Variants in EVI5 observed in about 807,000 individuals in gnomAD.
EVI5 encodes ecotropic viral integration site 5, also known as ecotropic viral integration site 5 protein homolog.
EVI5 carries 73 observed loss-of-function variants against 112.0 expected under a neutral mutation model. The ratio of observed to expected loss-of-function variants is 0.65; its 90% confidence interval spans 0.54 to 0.79. EVI5 has a LOEUF of 0.79. EVI5 is among the 30% of genes least tolerant of loss of function. The pLI, the probability that EVI5 is intolerant of heterozygous loss-of-function variation, is 0.00. For missense variants in EVI5, 900 were observed against 968.8 expected (o/e 0.93, Z 0.94); for synonymous variants, 305 against 319.9 (o/e 0.95, Z 0.50).
chr1:92,681,473 C>CA (rs1667574868), intron 9 of EVI5, among the ~76,000 whole-genome samples: 1 of 151,678 alleles, frequency 6.6e-6, no homozygotes, highest in Non-Finnish European at 1.5e-5. Context: ...AAAAATTCAT[C>CA]AAAAAAAAGT....
chr1:92,566,013 G>C (rs557007264), intron 18 of EVI5, among the ~76,000 whole-genome samples: 3 of 141,084 alleles, frequency 2.1e-5, no homozygotes, highest in Non-Finnish European at 4.5e-5. Flanking sequence ...ATAGGGTCAA[G>C]CATCTTTCCA....
At chr1:92,680,788 CA>C (rs1667463578) in intron 9 of EVI5, among the ~76,000 whole-genome samples, 1 of 151,932 alleles carries the variant, frequency 6.6e-6, no homozygotes, top group South Asian at 2.1e-4. Context: ...GTATACCTGC[CA>C]AAAATGCACA....
Position 92,607,731 on chromosome 1 carries a change from A to C in EVI5, c.1828-4T>G. ...GATGGTTACTATTGATCTGGTTCTA[A>C]TAATCAGAAATATAAATACTGAGAC... is the stretch of plus-strand genomic sequence containing the variant. On this transcript the variant is annotated splice_region_variant and splice_polypyrimidine_tract_variant and intron_variant, in intron 16 of 19. Coordinates refer to ENST00000684568, the MANE Select transcript of EVI5 (RefSeq NM_001350197.2). The C allele has an allele frequency of 6.3e-7, 1 of 1,576,666 alleles. No individual in the cohort carries two copies.
intron 1 of EVI5, among the ~76,000 whole-genome samples, chr1:92,766,087 G>C (rs1223831496): frequency 8.1e-6 from 1 of 123,462 alleles, no homozygotes; most frequent in South Asian, 2.9e-4. Flanking sequence ...GACAGAGCAA[G>C]ACCCTGCAAA....
chr1:92,565,968 A>AAAAAAAAAAAAAG (rs1381249684), intron 18 of EVI5, among the ~76,000 whole-genome samples: 1 of 150,078 alleles, frequency 6.7e-6, no homozygotes, highest in African/African-American at 2.5e-5. Context: ...AAAAAAAAAA[A>AAAAAAAAAAAAAG]GAAATGTTCT....
intron 2 of EVI5, among the ~76,000 whole-genome samples, chr1:92,704,964 G>A (rs1201160403): frequency 4.2e-5 from 6 of 143,602 alleles, no homozygotes; most frequent in African/African-American, 1.2e-4. Flanking sequence ...AGCAAATTAC[G>A]TTAAAAATTT....
At chr1:92,742,969 C>A (rs1376857409) in intron 1 of EVI5, among the ~76,000 whole-genome samples, 3 of 152,120 alleles carry the variant, frequency 2.0e-5, no homozygotes, top group Non-Finnish European at 2.9e-5. Context: ...TCACAATAGC[C>A]AAAAGGGATA....
At chr1:92,683,637 T>C (rs1168368720) in intron 9 of EVI5, among the ~76,000 whole-genome samples, 1 of 151,988 alleles carries the variant, frequency 6.6e-6, no homozygotes, top group Non-Finnish European at 1.5e-5. Context: ...CTCTAACCCA[T>C]CACAAGGAAG....
chr1:92,756,933 G>C, intron 1 of EVI5: 1 of 331,984 alleles, frequency 3.0e-6, no homozygotes, highest in Middle Eastern at 6.7e-4. Context: ...CATTACCCTT[G>C]TATTACTTCA....
intron 19 of EVI5, among the ~76,000 whole-genome samples, chr1:92,550,914 T>C (rs1666805109): frequency 7.0e-6 from 1 of 142,690 alleles, no homozygotes; most frequent in Admixed American, 7.1e-5. Context: ...ATAATTAATT[T>C]AATTAATAAA....
chr1:92,589,870 T>A (rs941065401), intron 18 of EVI5, among the ~76,000 whole-genome samples: 1 of 151,892 alleles, frequency 6.6e-6, no homozygotes, highest in African/African-American at 2.4e-5. Flanking sequence ...CCCCCCCGTA[T>A]GGGCAGACTG....
chr1:92,542,677 C>T (rs531987865), intron 19 of EVI5, among the ~76,000 whole-genome samples: 3 of 151,940 alleles, frequency 2.0e-5, no homozygotes, highest in Non-Finnish European at 2.9e-5. Context: ...TGTAATGGAG[C>T]CTTATGAAAT....
At position 92,732,468 on chromosome 1, in the gene EVI5, C is replaced by T. The variant is rs575236153; in HGVS notation, c.149+3930G>A. 6 of 199,692 alleles carry T rather than the reference C, an allele frequency of 3.0e-5. No homozygotes were observed. The South Asian group carries it at 4.8e-4, about 16-fold the overall frequency. The allele number at this position is 199,692 out of a possible 1,614,324, so 12.4% of individuals were successfully genotyped here. A position where few individuals can be genotyped will look rare whatever the true frequency, so the allele number is the denominator to read the frequency against. ...AGGATATATGCTGATGGAGATATAT[C>T]ACTGCCACAGGGAGAAACTATTTGC... On this transcript the variant is annotated intron_variant, in intron 2 of 19. Coordinates refer to ENST00000684568, the MANE Select transcript of EVI5 (RefSeq NM_001350197.2).
intron 15 of EVI5, 50 bp downstream of exon 15, chr1:92,625,744 A>G (rs1655527458): frequency 6.5e-7 from 1 of 1,547,798 alleles, no homozygotes; most frequent in Non-Finnish European, 8.9e-7. Flanking sequence ...CAAATTGGAT[A>G]TTTCGGTTTT....
At chr1:92,729,147 T>A (rs1473925538) in intron 2 of EVI5, among the ~76,000 whole-genome samples, 1 of 152,206 alleles carries the variant, frequency 6.6e-6, no homozygotes, top group African/African-American at 2.4e-5. Flanking sequence ...AAATCTTCTA[T>A]CTGTGAAACT....
Position 92,784,989 on chromosome 1 carries a change from G to T in EVI5, c.-235C>A. 2 of 985,512 alleles carry T rather than the reference G, an allele frequency of 2.0e-6. No individual in the cohort carries two copies. The highest frequency in any genetic ancestry group is 1.2e-6 in the Non-Finnish European group (1 of 830,070). 61.0% of individuals were successfully genotyped at this position (985,512 alleles called of 1,614,324 possible). On this transcript the variant is annotated 5_prime_UTR_variant, in exon 1 of 20. Transcript: ENST00000684568. ...CACCACGCTCACTCAGAAGCTCAGG[G>T]CCGCCTCGCGACCCTCACCTACCCC...
chr1:92,648,523 A>G (rs1371704928), intron 13 of EVI5, among the ~76,000 whole-genome samples: 1 of 152,150 alleles, frequency 6.6e-6, no homozygotes, highest in Non-Finnish European at 1.5e-5. Flanking sequence ...CCTATTAAGC[A>G]GTTTCTTATC....
intron 5 of EVI5, among the ~76,000 whole-genome samples, chr1:92,699,943 T>C (rs1444894285): frequency 6.6e-6 from 1 of 152,182 alleles, no homozygotes; most frequent in Non-Finnish European, 1.5e-5. Context: ...TGCAATAGCA[T>C]TGATATGGGA....
chr1:92,604,311 T>C (rs1181814241), intron 18 of EVI5, among the ~76,000 whole-genome samples: 4 of 151,526 alleles, frequency 2.6e-5, no homozygotes, highest in African/African-American at 9.7e-5. Flanking sequence ...GCTATGACTG[T>C]GCCACTAAAC....
Sources: gnomAD v4.1 joint callset for allele counts (sites outside exome capture counted in the v4.1 genomes callset) on GRCh38, gnomAD v4.1.1 for gene constraint, MANE v1.5 for transcripts, NCBI Gene and HGNC (gene_info 2026-07-23, HGNC 2026-07-21) for gene names.